Variants in QNG1 observed in about 807,000 individuals in gnomAD.
The protein encoded by QNG1 is Q-nucleotide N-glycosylase 1, also known as queuosine 5'-phosphate N-glycosylase/hydrolase.
the QNG1 span, chr9:83,945,141 C>T: frequency 2.5e-5 from 16 of 640,656 alleles, no homozygotes; most frequent in Non-Finnish European, 4.0e-5. Context: ...CCATGGCTCC[C>T]GCCTGTAATC....
chr9:83,955,659 A>AT, the QNG1 span: 1 of 1,605,910 alleles, frequency 6.2e-7, no homozygotes, highest in Non-Finnish European at 8.5e-7. Context: ...AAAAAATAAA[A>AT]TTCAGAGGAC....
At chr9:83,949,689 A>G in the QNG1 span, among the ~76,000 whole-genome samples, 7 of 152,152 alleles carry the variant, frequency 4.6e-5, no homozygotes, top group African/African-American at 1.7e-4. Flanking sequence ...CCAGCAAGAC[A>G]TAAGACTTAA....
the QNG1 span, among the ~76,000 whole-genome samples, chr9:83,946,205 T>A: frequency 6.6e-6 from 1 of 151,858 alleles, no homozygotes; most frequent in Non-Finnish European, 1.5e-5. Context: ...CTCAGGAGGC[T>A]GAGGTAGAAG....
At chr9:83,945,331 G>T in the QNG1 span, among the ~76,000 whole-genome samples, 15 of 151,146 alleles carry the variant, frequency 9.9e-5, no homozygotes, top group Admixed American at 5.3e-4. Flanking sequence ...AGCCTGGGAG[G>T]TCAAGCCTGC....
the QNG1 span, chr9:83,953,643 G>T: frequency 1.6e-6 from 1 of 613,270 alleles, no homozygotes; most frequent in Non-Finnish European, 2.9e-6. Context: ...ACCACGCCAA[G>T]CCAATTTCTT....
the QNG1 span, among the ~76,000 whole-genome samples, chr9:83,947,760 C>A: frequency 6.6e-6 from 1 of 152,240 alleles, no homozygotes; most frequent in Non-Finnish European, 1.5e-5. Flanking sequence ...AGTGATCTGC[C>A]CGCCTGGGCC....
the QNG1 span, among the ~76,000 whole-genome samples, chr9:83,949,673 A>C: frequency 8.9e-3 from 1,357 of 152,166 alleles, 22 homozygotes; most frequent in African/African-American, 0.032. Context: ...CAAACAAAAA[A>C]AAAACCCAGC....
chr9:83,948,514 G>GT, the QNG1 span, among the ~76,000 whole-genome samples: 3 of 148,358 alleles, frequency 2.0e-5, no homozygotes, highest in East Asian at 4.1e-4. Flanking sequence ...TGTCCGGGAG[G>GT]GGGGGGGCGC....
the QNG1 span, chr9:83,938,722 AG>A: frequency 6.6e-6 from 1 of 151,096 alleles, no homozygotes; most frequent in Non-Finnish European, 1.5e-5. Context: ...CAAATGATAA[AG>A]TTGGGAATAC....
At chr9:83,946,413 A>G in the QNG1 span, among the ~76,000 whole-genome samples, 1 of 152,338 alleles carries the variant, frequency 6.6e-6, no homozygotes, top group East Asian at 1.9e-4. Flanking sequence ...CCTTTCAGAT[A>G]ATATGATTAA....
chr9:83,953,776 T>TG, the QNG1 span: 33 of 1,546,550 alleles, frequency 2.1e-5, no homozygotes, highest in East Asian at 8.1e-4. Flanking sequence ...CAAAAGAATT[T>TG]TACAAAAACA....
At chr9:83,956,549 T>C in the QNG1 span, 3 of 1,468,828 alleles carry the variant, frequency 2.0e-6, no homozygotes, top group African/African-American at 4.3e-5. Flanking sequence ...CCTAGGCGGG[T>C]CAAGGTCCAC....
chr9:83,954,340 A>G, the QNG1 span, among the ~76,000 whole-genome samples: 1 of 152,164 alleles, frequency 6.6e-6, no homozygotes, highest in East Asian at 1.9e-4. Flanking sequence ...GAAACATTTT[A>G]AAAGGAAAAA....
chr9:83,945,821 C>T, the QNG1 span, among the ~76,000 whole-genome samples: 1 of 151,956 alleles, frequency 6.6e-6, no homozygotes, highest in Non-Finnish European at 1.5e-5. Context: ...CCGGGATGGT[C>T]TCGATCTCCT....
the QNG1 span, among the ~76,000 whole-genome samples, chr9:83,948,848 A>T: frequency 0.066 from 9,996 of 152,086 alleles, 850 homozygotes; most frequent in African/African-American, 0.2. Context: ...TTAAATGGAT[A>T]AAGGGCGGTG....
the QNG1 span, chr9:83,953,822 G>A: frequency 1.3e-6 from 2 of 1,547,766 alleles, no homozygotes; most frequent in Non-Finnish European, 1.7e-6. Flanking sequence ...CCAACAAAAT[G>A]ATCATCATTT....
the QNG1 span, chr9:83,953,653 T>C: frequency 3.1e-6 from 2 of 643,270 alleles, no homozygotes; most frequent in South Asian, 4.0e-5. Context: ...GCCAATTTCT[T>C]TTATTTTTTC....
At chr9:83,950,467 C>T in the QNG1 span, among the ~76,000 whole-genome samples, 2 of 152,042 alleles carry the variant, frequency 1.3e-5, no homozygotes, top group Non-Finnish European at 1.5e-5. Context: ...TAGTAAATCT[C>T]CAAATAACAA....
At chr9:83,938,634 G>A in the QNG1 span, 1 of 150,628 alleles carries the variant, frequency 6.6e-6, no homozygotes, top group Non-Finnish European at 1.5e-5. Flanking sequence ...AAATATTAAA[G>A]TTCCTTCACG....
Sources: gnomAD v4.1 joint callset for allele counts (sites outside exome capture counted in the v4.1 genomes callset) on GRCh38, gnomAD v4.1.1 for gene constraint, MANE v1.5 for transcripts, NCBI Gene and HGNC (gene_info 2026-07-23, HGNC 2026-07-21) for gene names.